ACO2: variants seen among roughly 807,000 people sequenced by gnomAD.
ACO2 encodes aconitase 2.
A neutral mutation model predicts 84.5 loss-of-function variants in ACO2; 31 were observed. The observed-to-expected ratio is 0.37, with a 90% CI of 0.28 to 0.50. The LOEUF (loss-of-function observed/expected upper bound fraction) is 0.50, where lower values mean the gene tolerates loss of function less well. Among genes scored for constraint, ACO2 ranks in the 20% least tolerant of loss-of-function variants. The pLI is 0.97. For synonymous variants in ACO2, 414 were observed against 412.7 expected, an observed-to-expected ratio of 1.00 and a Z score of -0.04; for missense variants, 685 against 1,029.3, an observed-to-expected ratio of 0.67 and a Z score of 4.58.
chr22:41,469,789 T>C lies in ACO2; in HGVS notation c.36+607T>C, dbSNP rs183726114. Among the ~76,000 whole-genome samples the C allele has an allele frequency of 2.3e-3, 354 of 151,942 alleles. 2 individuals are homozygous for C. Among genetic ancestry groups the C allele is most frequent in the African/African-American group, 8.1e-3 (335 of 41,422 alleles). ...ATTTGAGGCCTGTTTTAATTCTTCA[T>C]AATATTATTTGATTCCTGTAATCGT... On this transcript the variant is annotated intron_variant, in intron 1 of 17. Coordinates refer to ENST00000216254, the MANE Select transcript of ACO2 (RefSeq NM_001098.3).
chr22:41,525,359 T>C lies in ACO2; in HGVS notation c.1761+11T>C, dbSNP rs1569022776. 1.9e-6 allele frequency: 3 copies of C among 1,612,992 alleles called. No homozygotes were observed. Among genetic ancestry groups the C allele is most frequent in the Non-Finnish European group, 2.5e-6 (3 of 1,179,786 alleles). On this transcript the variant is annotated intron_variant, in intron 14 of 17. Coordinates refer to ENST00000216254, the MANE Select transcript of ACO2 (RefSeq NM_001098.3). ...CAGATCCTCATCAAGGTCAGCAGCA[T>C]GGGGACGGCAGGACAGCCCCACCCT... is the stretch of plus-strand genomic sequence containing the variant.
intron 9 of ACO2, among the ~76,000 whole-genome samples, chr22:41,521,035 CAAA>C (rs375633363): frequency 4.9e-5 from 4 of 81,620 alleles, no homozygotes; most frequent in African/African-American, 1.4e-4. Flanking sequence ...AGCCTGCCTC[CAAA>C]AAAAAAAAAA....
At chr22:41,506,353 C>T (rs1203019470) in intron 2 of ACO2, among the ~76,000 whole-genome samples, 3 of 152,010 alleles carry the variant, frequency 2.0e-5, no homozygotes, top group South Asian at 2.1e-4. Flanking sequence ...CCCGGGTTCA[C>T]GCCATTCTCC....
At chr22:41,516,959 ACCT>A (rs776781946) in intron 6 of ACO2, among the ~76,000 whole-genome samples, 1 of 151,734 alleles carries the variant, frequency 6.6e-6, no homozygotes, top group East Asian at 1.9e-4. Flanking sequence ...CAAACTCCTG[ACCT>A]CAGGTGATCC....
chr22:41,524,118 G>C (rs1193479813), intron 12 of ACO2, among the ~76,000 whole-genome samples, 177 bp downstream of exon 12: 1 of 152,164 alleles, frequency 6.6e-6, no homozygotes, highest in East Asian at 1.9e-4. Flanking sequence ...CCTGGGTCAT[G>C]GGATTATGAG....
At chr22:41,478,353 A>G (rs1243524275) in intron 1 of ACO2, among the ~76,000 whole-genome samples, 8 of 152,040 alleles carry the variant, frequency 5.3e-5, no homozygotes, top group Non-Finnish European at 8.8e-5. Flanking sequence ...CCTGTTGGCA[A>G]AGCTGGTCTC....
At chr22:41,522,749 T>G in intron 9 of ACO2, 81 bp from the exon 10 acceptor site, 1 of 1,520,188 alleles carries the variant, frequency 6.6e-7, no homozygotes, top group Non-Finnish European at 8.9e-7. Flanking sequence ...TTTGGCCAAG[T>G]CTGGATAATT....
chr22:41,499,710 A>C lies in ACO2; in HGVS notation c.37-16A>C. 4 of 1,609,846 alleles carry C rather than the reference A, an allele frequency of 2.5e-6. No homozygotes were observed. Among genetic ancestry groups the C allele is most frequent in the Non-Finnish European group, 3.4e-6 (4 of 1,179,492 alleles). On this transcript the variant is annotated splice_polypyrimidine_tract_variant and intron_variant, in intron 1 of 17. Coordinates refer to ENST00000216254, the MANE Select transcript of ACO2 (RefSeq NM_001098.3). ...AAGTGCTCCATTGACAGTGGCTGTC[A>C]TGTTTCTTCTTGCAGAAAGCTCTGG...
In ACO2 at chr22:41,526,484, TG is replaced by T. The variant is rs548509220; in HGVS notation, c.1953+33del. On this transcript the variant is annotated intron_variant, in intron 15 of 17. Coordinates refer to ENST00000216254, the MANE Select transcript of ACO2 (RefSeq NM_001098.3). ...TCAGAGTTGATAGGGGCAATGCCAG[TG>T]GTCACTCCTGAAGGGGCCTGCAAGG... 7.5e-3 allele frequency: 11,983 copies of T among 1,595,398 alleles called. 74 individuals are homozygous for T. The highest frequency in any genetic ancestry group is 7.7e-3 in the Non-Finnish European group (9,008 of 1,168,162).
intron 1 of ACO2, among the ~76,000 whole-genome samples, chr22:41,482,201 G>A (rs2038095807): frequency 6.6e-6 from 1 of 152,218 alleles, no homozygotes; most frequent in South Asian, 2.1e-4. Context: ...GGAGATTTGT[G>A]GCTCATCCAG....
intron 9 of ACO2, 104 bp from the exon 10 acceptor site, chr22:41,522,726 G>A: frequency 7.4e-7 from 1 of 1,353,020 alleles, no homozygotes; most frequent in Non-Finnish European, 1.0e-6. Context: ...GCCCAGCCCA[G>A]ATGGTGAACT....
rs2066660284 is a variant in ACO2, at chr22:41,528,780, T to C, written c.*167T>C. 12 of 1,011,658 alleles carry C rather than the reference T, an allele frequency of 1.2e-5. No homozygotes were observed. The highest frequency in any genetic ancestry group is 1.7e-5 in the Non-Finnish European group (12 of 721,360). 62.7% of individuals were successfully genotyped at this position (1,011,658 alleles called of 1,614,324 possible). A position where few individuals can be genotyped will look rare whatever the true frequency, so the allele number is the denominator to read the frequency against. Reference sequence around the variant, plus strand: ...GTGACTGTGGTTGTGGTGGGGGGGTTCTTAAAATAACTTTTTAGCCCCCGT... The same window carrying C: ...GTGACTGTGGTTGTGGTGGGGGGGTCCTTAAAATAACTTTTTAGCCCCCGT... On this transcript the variant is annotated 3_prime_UTR_variant, in exon 18 of 18. Transcript: ENST00000216254.
chr22:41,487,933 G>T (rs1310199770), intron 1 of ACO2, among the ~76,000 whole-genome samples: 1 of 151,894 alleles, frequency 6.6e-6, no homozygotes, highest in African/African-American at 2.4e-5. Flanking sequence ...CACACCCCTT[G>T]GCCAACTTTT....
chr22:41,526,559 C>T, intron 15 of ACO2, 106 bp downstream of exon 15: 1 of 1,323,382 alleles, frequency 7.6e-7, no homozygotes. Flanking sequence ...AGGAGGCCGA[C>T]CAAGCCCAAA....
At position 41,507,809 on chromosome 22, in the gene ACO2, A is replaced by C. The variant is rs137831; in HGVS notation, c.192A>C (p.Thr64=). 0.25 allele frequency: 402,000 copies of C among 1,613,368 alleles called. 58,833 individuals are homozygous for C. The highest frequency in any genetic ancestry group is 0.59 in the Admixed American group (35,187 of 59,948). ...IVRKRLNRPL[T]LSEKIVYGHL... Reference sequence around the variant, plus strand: ...CCCACAGACTGAACCGGCCGCTGACACTCTCGGAGAAGATTGTGTATGGAC... The same window carrying C: ...CCCACAGACTGAACCGGCCGCTGACCCTCTCGGAGAAGATTGTGTATGGAC... Residue 64 remains threonine (T), a synonymous_variant, in exon 3 of 18, where the codon ACA becomes ACC. Transcript: ENST00000216254.
At position 41,525,255 on chromosome 22, in the gene ACO2, G is replaced by A; in HGVS notation, c.1668G>A (p.Val556=). 6.2e-7 allele frequency: 1 copy of A among 1,614,058 alleles called. No individual in the cohort carries two copies. The highest frequency in any genetic ancestry group is 1.7e-5 in the Admixed American group (1 of 60,024). The change falls in exon 14 of 18, where the codon GTG becomes GTA. Residue 556 remains valine (V), a synonymous_variant. Coordinates refer to ENST00000216254, the MANE Select transcript of ACO2 (RefSeq NM_001098.3). ...CCAAGGACAGCAGCGGGCAGCATGT[G>A]GACGTGAGCCCCACCAGCCAGCGCC... ...HPPKDSSGQH[V]DVSPTSQRLQ...
intron 1 of ACO2, among the ~76,000 whole-genome samples, chr22:41,494,962 G>A (rs1165933782): frequency 1.3e-5 from 2 of 152,074 alleles, no homozygotes; most frequent in African/African-American, 2.4e-5. Flanking sequence ...TCGAACTCCT[G>A]ACCTCAGGTG....
At chr22:41,519,546 C>T (rs1479635437) in intron 8 of ACO2, among the ~76,000 whole-genome samples, 2 of 152,134 alleles carry the variant, frequency 1.3e-5, no homozygotes, top group African/African-American at 4.8e-5. Flanking sequence ...TGGCTGACAC[C>T]TGTAATCCCA....
At chr22:41,482,658 G>GACTA (rs1258414355) in intron 1 of ACO2, among the ~76,000 whole-genome samples, 1 of 152,206 alleles carries the variant, frequency 6.6e-6, no homozygotes, top group Non-Finnish European at 1.5e-5. Flanking sequence ...GTGGAAGACT[G>GACTA]ACTAGCCTCA....
Sources: allele counts gnomAD v4.1 joint callset (sites outside exome capture counted in the v4.1 genomes callset), GRCh38; gene constraint gnomAD v4.1.1; transcripts MANE v1.5; gene names NCBI Gene and HGNC (gene_info 2026-07-23, HGNC 2026-07-21).